The following TMEM132B variants were observed in gnomAD, a reference collection of about 807,000 sequenced individuals.
The protein encoded by TMEM132B is transmembrane protein 132B.
Under a neutral mutation model 90.8 loss-of-function variants are expected in TMEM132B, and 18 were observed. The observed-to-expected ratio is 0.20, with a 90% CI of 0.14 to 0.29. The LOEUF is 0.29. Ranked by LOEUF, TMEM132B falls within the 10% of genes least tolerant of loss-of-function variation. The pLI, the probability that TMEM132B is intolerant of heterozygous loss-of-function variation, is 1.00. For synonymous variants in TMEM132B, 504 were observed against 523.3 expected, an observed-to-expected ratio of 0.96 and a Z score of 0.50; for missense variants, 1,096 against 1,326.8, an observed-to-expected ratio of 0.83 and a Z score of 2.70.
At position 125,525,706 on chromosome 12, in the gene TMEM132B, G is replaced by A. The variant is rs147930246; in HGVS notation, c.1293+6081G>A. On this transcript the variant is annotated intron_variant, in intron 4 of 8. Transcript: ENST00000682704. ...CTCTGCAGGTGGGGTGGTGGCCAGT[G>A]GTGTTCTCTTAGCCAACGGCCACTC... is the stretch of plus-strand genomic sequence containing the variant. 3.3e-5 allele frequency among the ~76,000 whole-genome samples: 5 copies of A among 152,308 alleles called. No homozygotes were observed. The East Asian group carries it at 9.7e-4, about 29-fold the overall frequency.
At chr12:125,530,363 C>A (rs942116354) in intron 4 of TMEM132B, among the ~76,000 whole-genome samples, 2 of 151,942 alleles carry the variant, frequency 1.3e-5, no homozygotes, top group Admixed American at 6.6e-5. Flanking sequence ...AGGATGCATC[C>A]TGTAAAGCTC....
At chr12:125,369,115 T>C (rs1461878555) in intron 2 of TMEM132B, among the ~76,000 whole-genome samples, 2 of 150,464 alleles carry the variant, frequency 1.3e-5, no homozygotes, top group African/African-American at 4.9e-5. Context: ...AGTGAGAACA[T>C]GTGGTGTTTG....
At chr12:125,606,218 C>T (rs758886792) in intron 5 of TMEM132B, among the ~76,000 whole-genome samples, 8 of 151,854 alleles carry the variant, frequency 5.3e-5, no homozygotes, top group Non-Finnish European at 1.2e-4. Context: ...ACATGACTCT[C>T]CATGAGTTAA....
chr12:125,302,191 T>A, intron 1 of TMEM132B, among the ~76,000 whole-genome samples: 1 of 151,736 alleles, frequency 6.6e-6, no homozygotes, highest in Non-Finnish European at 1.5e-5. Context: ...AGAGGGAGAC[T>A]CTGTCTCAAA....
intron 5 of TMEM132B, among the ~76,000 whole-genome samples, chr12:125,610,185 A>G (rs557357716): frequency 6.6e-6 from 1 of 152,198 alleles, no homozygotes; most frequent in African/African-American, 2.4e-5. Context: ...ATGTAATGAG[A>G]GATAATTCAC....
At chr12:125,252,978 T>A (rs1874349521) in intron 1 of TMEM132B, among the ~76,000 whole-genome samples, 2 of 152,184 alleles carry the variant, frequency 1.3e-5, no homozygotes, top group East Asian at 1.9e-4. Flanking sequence ...AAAACAACTT[T>A]AAAAAATCTG....
At chr12:125,463,526 C>CTGAT (rs1421577134) in intron 3 of TMEM132B, among the ~76,000 whole-genome samples, 2 of 152,134 alleles carry the variant, frequency 1.3e-5, no homozygotes, top group Non-Finnish European at 2.9e-5. Context: ...ATTGCCTGGA[C>CTGAT]TGATTGTCTT....
intron 4 of TMEM132B, among the ~76,000 whole-genome samples, chr12:125,575,174 C>T (rs926672439): frequency 6.7e-6 from 1 of 148,256 alleles, no homozygotes; most frequent in Admixed American, 6.8e-5. Context: ...CACAATTTTA[C>T]ACCCCACAGA....
Position 125,349,795 on chromosome 12 carries a change from C to G in TMEM132B, c.411C>G (p.Asn137Lys), listed in dbSNP as rs1464669443. The G allele has an allele frequency of 6.2e-6, 10 of 1,614,128 alleles. No individual in the cohort carries two copies. Among genetic ancestry groups the G allele is most frequent in the Non-Finnish European group, 5.9e-6 (7 of 1,180,050 alleles). The change falls in exon 2 of 9, where the codon AAC becomes AAG. Residue 137 changes from asparagine (N) to lysine (K), a missense_variant. Coordinates refer to ENST00000682704, the MANE Select transcript of TMEM132B (RefSeq NM_001366854.1). The surrounding 1 kb of genome is among the most constrained non-coding windows in gnomAD (Gnocchi z 4.1). ...SHILDSSIYS[N>K]RPKVQTLFYV... The stretch of plus-strand genomic sequence containing the variant: ...TCCTTGACAGCTCCATCTACTCCAA[C>G]AGACCCAAAGTGCAGACCTTGTTTT...
intron 3 of TMEM132B, 110 bp from the exon 4 acceptor site, chr12:125,519,329 G>A: frequency 1.7e-6 from 2 of 1,159,894 alleles, no homozygotes; most frequent in South Asian, 3.1e-5. Context: ...TGTTGAACTT[G>A]GCAGTCATTC....
chr12:125,507,460 G>T (rs1375789324), intron 3 of TMEM132B, among the ~76,000 whole-genome samples: 2 of 152,184 alleles, frequency 1.3e-5, no homozygotes. Flanking sequence ...TCGCTCTAGT[G>T]TAGGAGATGG....
At chr12:125,357,067 T>C (rs561784222) in intron 2 of TMEM132B, among the ~76,000 whole-genome samples, 4 of 152,352 alleles carry the variant, frequency 2.6e-5, no homozygotes, top group Non-Finnish European at 5.9e-5. Flanking sequence ...TAGTAAGTGC[T>C]CAATAAATAC....
intron 4 of TMEM132B, among the ~76,000 whole-genome samples, chr12:125,580,368 A>C (rs1368729860): frequency 6.6e-6 from 1 of 151,956 alleles, no homozygotes; most frequent in African/African-American, 2.4e-5. Context: ...AGAGCTTTCC[A>C]TACTGGGTGA....
intron 3 of TMEM132B, among the ~76,000 whole-genome samples, chr12:125,504,353 G>A (rs1392486871): frequency 1.3e-5 from 2 of 152,134 alleles, no homozygotes; most frequent in African/African-American, 4.8e-5. Context: ...ATCTCAAGGT[G>A]TTTGTCTGTC....
At chr12:125,638,334 T>A (rs1886540207) in intron 5 of TMEM132B, among the ~76,000 whole-genome samples, 1 of 152,222 alleles carries the variant, frequency 6.6e-6, no homozygotes, top group African/African-American at 2.4e-5. Flanking sequence ...GGGTTCATAG[T>A]AAGAACTTAA....
Position 125,331,112 on chromosome 12 carries a change from A to T in TMEM132B, c.68-18340A>T, listed in dbSNP as rs549877149. Among the ~76,000 whole-genome samples the T allele has an allele frequency of 3.9e-5, 6 of 151,964 alleles. No individual in the cohort carries two copies. The East Asian group carries it at 9.7e-4, about 25-fold the overall frequency. ...CCACTGGGTGGCGGTGTTGCCCGCG[A>T]GGCCCGGGGTCTGCGGAGGAGGGAG... On this transcript the variant is annotated intron_variant, in intron 1 of 8. Coordinates refer to ENST00000682704, the MANE Select transcript of TMEM132B (RefSeq NM_001366854.1).
chr12:125,267,709 TA>T (rs1874728779), intron 1 of TMEM132B, among the ~76,000 whole-genome samples: 2 of 152,148 alleles, frequency 1.3e-5, no homozygotes, highest in African/African-American at 4.8e-5. Context: ...GAGCATGGGT[TA>T]GGGGGGCAGT....
chr12:125,190,438 A>AC (rs2136046854), intron 1 of TMEM132B, among the ~76,000 whole-genome samples: 3 of 90,060 alleles, frequency 3.3e-5, no homozygotes, highest in Middle Eastern at 7.1e-3. Context: ...GGTGATGGTG[A>AC]TGGGAAGGGG....
intron 3 of TMEM132B, among the ~76,000 whole-genome samples, chr12:125,434,977 T>C (rs978813993): frequency 6.6e-6 from 1 of 152,188 alleles, no homozygotes; most frequent in Non-Finnish European, 1.5e-5. Flanking sequence ...GTACTCTCTC[T>C]TACTAAGCGT....
Sources: allele counts gnomAD v4.1 joint callset (sites outside exome capture counted in the v4.1 genomes callset), GRCh38; gene constraint gnomAD v4.1.1; non-coding constraint Gnocchi (gnomAD v3.1); transcripts MANE v1.5; gene names NCBI Gene and HGNC (gene_info 2026-07-23, HGNC 2026-07-21).